UBE2V1: variants seen among roughly 807,000 people sequenced by gnomAD.
UBE2V1 encodes ubiquitin conjugating enzyme E2 V1.
In UBE2V1, 15 loss-of-function variants were observed where a neutral mutation model predicts 19.6. The observed-to-expected ratio is 0.77, with a 90% confidence interval of 0.51 to 1.18. UBE2V1 has a LOEUF of 1.18. Among genes scored for constraint, UBE2V1 ranks in the 50% most tolerant of loss-of-function variants. The pLI is 0.00. For missense variants in UBE2V1, 125 were observed against 184.8 expected, an observed-to-expected ratio of 0.68 and a Z score of 1.88; for synonymous variants, 60 against 60.7, an observed-to-expected ratio of 0.99 and a Z score of 0.05.
At chr20:50,091,589 C>T (rs1369232523) in intron 2 of UBE2V1, among the ~76,000 whole-genome samples, 6 of 151,720 alleles carry the variant, frequency 4.0e-5, no homozygotes, top group South Asian at 2.1e-4. Context: ...GACCGGGTTT[C>T]GCCATATTGG....
upstream of UBE2V1, among the ~76,000 whole-genome samples, chr20:50,113,454 C>A (rs1287079523): frequency 6.6e-6 from 1 of 152,210 alleles, no homozygotes; most frequent in Admixed American, 6.5e-5. Context: ...CAAACAAAAG[C>A]GCCGAATTCG....
chr20:50,095,632 GTGCTAGTGCAGAGTCC>G lies in UBE2V1; in HGVS notation c.171+1024_171+1039del, dbSNP rs1278369691. On this transcript the variant is annotated intron_variant, in intron 2 of 3. Coordinates refer to ENST00000371674, the MANE Select transcript of UBE2V1 (RefSeq NM_001032288.3). ...CCCTACATGTCTTTCTGCTCTCACAGTGCTAGTGCAGAGTCCTGCACACAATCAAAAGAATGAATGT... is the reference window on the plus strand; with the variant it reads ...CCCTACATGTCTTTCTGCTCTCACAGTGCACACAATCAAAAGAATGAATGT... Among the ~76,000 whole-genome samples the G allele has an allele frequency of 3.3e-5, 5 of 152,322 alleles. No individual in the cohort carries two copies. The East Asian group carries it at 5.8e-4, about 18-fold the overall frequency.
intron 2 of UBE2V1, among the ~76,000 whole-genome samples, chr20:50,089,487 A>G (rs1372215548): frequency 1.3e-5 from 2 of 152,208 alleles, no homozygotes; most frequent in African/African-American, 4.8e-5. Flanking sequence ...CATGCCTTTC[A>G]GGCTCTCTCT....
rs2079731177 is a variant in UBE2V1 at position 50,097,867 on chromosome 20, T to C, written c.23-1047A>G. ...GATTGTGGGAGGTGTTGCCAGTATA[T>C]GTATTTCCCAAAGTGTAGGACACAC... On this transcript the variant is annotated intron_variant, in intron 1 of 3. Transcript: ENST00000371674. 2.0e-5 allele frequency among the ~76,000 whole-genome samples: 3 copies of C among 152,330 alleles called. No homozygotes were observed. In the South Asian group the frequency reaches 6.2e-4, roughly 32 times the overall value.
intron 2 of UBE2V1, among the ~76,000 whole-genome samples, chr20:50,086,028 C>T (rs2078892837): frequency 1.3e-5 from 2 of 152,190 alleles, no homozygotes; most frequent in Admixed American, 1.3e-4. Flanking sequence ...TTCTCTCTTG[C>T]TCCCGGCACA....
At chr20:50,087,285 A>G (rs2078973751) in intron 2 of UBE2V1, among the ~76,000 whole-genome samples, 1 of 151,486 alleles carries the variant, frequency 6.6e-6, no homozygotes, top group Non-Finnish European at 1.5e-5. Flanking sequence ...AGTCCCAGCT[A>G]ACCGGGGGGC....
At chr20:50,111,064 C>T (rs6095768) in intron 1 of UBE2V1, among the ~76,000 whole-genome samples, 50,416 of 152,054 alleles carry the variant, frequency 0.33, 9,147 homozygotes, top group African/African-American at 0.5. Flanking sequence ...TGGAAGCTCC[C>T]GAAGGATACA....
chr20:50,097,461 C>T (rs979076038), intron 1 of UBE2V1, among the ~76,000 whole-genome samples: 1 of 152,158 alleles, frequency 6.6e-6, no homozygotes, highest in African/African-American at 2.4e-5. Context: ...TTGAAAGCAA[C>T]GCATGAAAAC....
At chr20:50,093,233 TA>T (rs2079347250) in intron 2 of UBE2V1, among the ~76,000 whole-genome samples, 2 of 152,266 alleles carry the variant, frequency 1.3e-5, no homozygotes, top group Non-Finnish European at 2.9e-5. Context: ...AATTGGAAAG[TA>T]AATTCCTAGA....
At chr20:50,092,227 C>A (rs746800096) in intron 2 of UBE2V1, among the ~76,000 whole-genome samples, 4 of 152,134 alleles carry the variant, frequency 2.6e-5, no homozygotes, top group Non-Finnish European at 5.9e-5. Context: ...GAGGCTGAGG[C>A]AGGAGAATCG....
intron 2 of UBE2V1, among the ~76,000 whole-genome samples, chr20:50,092,465 C>T (rs981849893): frequency 1.3e-5 from 2 of 152,078 alleles, no homozygotes; most frequent in African/African-American, 4.8e-5. Context: ...GCAATGGAGA[C>T]GGGGGTACTG....
intron 1 of UBE2V1, among the ~76,000 whole-genome samples, chr20:50,109,378 G>A (rs939679501): frequency 1.3e-5 from 2 of 151,928 alleles, no homozygotes; most frequent in African/African-American, 4.8e-5. Context: ...ATGTGGTGGG[G>A]GAAATAGAGT....
rs2078692764 is a variant in UBE2V1, at chr20:50,082,719, T to C, written c.*49A>G. On this transcript the variant is annotated 3_prime_UTR_variant, in exon 4 of 4. Transcript: ENST00000371674. ...TACTACTGTGGAAAATGAAGACTGA[T>C]TAAATCGAATTGGGGGGAAGGGGAA... 6.3e-7 allele frequency: 1 copy of C among 1,592,564 alleles called. No individual in the cohort carries two copies. The highest frequency in any genetic ancestry group is 1.4e-5 in the African/African-American group (1 of 74,034).
chr20:50,090,916 GC>G (rs1383429779), intron 2 of UBE2V1, among the ~76,000 whole-genome samples: 1 of 152,128 alleles, frequency 6.6e-6, no homozygotes, highest in Non-Finnish European at 1.5e-5. Context: ...GATATATACA[GC>G]TTTTATTTAT....
At chr20:50,109,176 T>C (rs1601154172) in intron 1 of UBE2V1, 3 of 965,308 alleles carry the variant, frequency 3.1e-6, no homozygotes, top group East Asian at 1.1e-4. Context: ...TCTAAAGCAC[T>C]ATCCACAATA....
In UBE2V1 at chr20:50,102,692, G is replaced by C. The variant is rs192370292; in HGVS notation, c.23-5872C>G. Reference sequence around the variant, plus strand: ...CAGGTGTGAGCCACCGTGCTCGGCCGACGATCCTCTTAAAGGTAAACTAGG... The same window carrying C: ...CAGGTGTGAGCCACCGTGCTCGGCCCACGATCCTCTTAAAGGTAAACTAGG... On this transcript the variant is annotated intron_variant, in intron 1 of 3. Transcript: ENST00000371674. Among the ~76,000 whole-genome samples, 7 of 152,172 alleles carry C rather than the reference G, an allele frequency of 4.6e-5. No homozygotes were observed. In the East Asian group the frequency reaches 1.4e-3, roughly 29 times the overall value.
chr20:50,093,851 T>C (rs2079386929), intron 2 of UBE2V1, among the ~76,000 whole-genome samples: 1 of 150,826 alleles, frequency 6.6e-6, no homozygotes, highest in Non-Finnish European at 1.5e-5. Context: ...TAGCTGGGCG[T>C]GGTGGCGGGT....
At chr20:50,112,730 T>C (rs531423326) in intron 1 of UBE2V1, among the ~76,000 whole-genome samples, 1 of 152,248 alleles carries the variant, frequency 6.6e-6, no homozygotes, top group South Asian at 2.1e-4. Flanking sequence ...GGGACTTCCA[T>C]CCGCTGTGGG....
chr20:50,084,233 A>G lies in UBE2V1; in HGVS notation c.193T>C (p.Tyr65His). The stretch of plus-strand genomic sequence containing the variant: ...GGTCCACATTCTATTTTAAGGCTGT[A>G]TATTCGGTTTTCATAAATTGTCTGG... Reference protein sequence around the residue: ...PPRTIYENRIYSLKIECGPKY... With the variant: ...PPRTIYENRIHSLKIECGPKY... The change falls in exon 3 of 4, where the codon TAC (tyrosine) becomes CAC (histidine). Residue 65 changes from tyrosine (Y) to histidine (H), a missense_variant. Tyr to His is a moderately conservative substitution (Grantham distance 83). Around this residue, in one of 3 missense-constraint regions of UBE2V1, gnomAD observed 78 missense variants for 108.8 expected, o/e 0.72. Transcript: ENST00000371674. 6.2e-7 allele frequency: 1 copy of G among 1,611,614 alleles called. No individual in the cohort carries two copies. The highest frequency in any genetic ancestry group is 8.5e-7 in the Non-Finnish European group (1 of 1,178,438).
Sources: allele counts gnomAD v4.1 joint callset (sites outside exome capture counted in the v4.1 genomes callset), GRCh38; gene constraint gnomAD v4.1.1; regional missense constraint gnomAD v4.1.1; transcripts MANE v1.5; gene names NCBI Gene and HGNC (gene_info 2026-07-23, HGNC 2026-07-21).